The following HABP4 variants were observed in gnomAD, a reference collection of about 807,000 sequenced individuals.
HABP4 encodes hyaluronan binding protein 4.
A neutral mutation model predicts 44.1 loss-of-function variants in HABP4; 32 were observed. The ratio of observed to expected loss-of-function variants is 0.73; its 90% CI spans 0.55 to 0.97. The LOEUF (loss-of-function observed/expected upper bound fraction) is 0.97. Among genes scored for constraint, HABP4 ranks in the 50% least tolerant of loss-of-function variants. The pLI, the probability that HABP4 is intolerant of heterozygous loss-of-function variation, is 0.00. For synonymous variants in HABP4, 216 were observed against 218.0 expected, an observed-to-expected ratio of 0.99 and a Z score of 0.08; for missense variants, 503 against 561.9, an observed-to-expected ratio of 0.90 and a Z score of 1.06.
intron 1 of HABP4, among the ~76,000 whole-genome samples, chr9:96,452,113 G>C (rs1197453495): frequency 6.6e-6 from 1 of 151,726 alleles, no homozygotes; most frequent in Non-Finnish European, 1.5e-5. Flanking sequence ...TGTAGGTCCA[G>C]CTACTCGGGA....
At chr9:96,486,842 G>A (rs1169557166) in intron 6 of HABP4, among the ~76,000 whole-genome samples, 1 of 151,998 alleles carries the variant, frequency 6.6e-6, no homozygotes, top group Non-Finnish European at 1.5e-5. Context: ...TGCAAGTGGA[G>A]CCCAAGCCTT....
intron 1 of HABP4, among the ~76,000 whole-genome samples, chr9:96,457,862 A>C (rs2131118661): frequency 6.6e-6 from 1 of 152,300 alleles, no homozygotes; most frequent in Middle Eastern, 3.4e-3. Context: ...ACAGAGCAAG[A>C]CTCTGTCTCA....
intron 1 of HABP4, among the ~76,000 whole-genome samples, chr9:96,454,506 A>G (rs1220834579): frequency 7.1e-6 from 1 of 141,380 alleles, no homozygotes; most frequent in African/African-American, 2.7e-5. Flanking sequence ...GCTGAAGTGC[A>G]GTGGCACGAT....
intron 4 of HABP4, among the ~76,000 whole-genome samples, chr9:96,467,840 C>G (rs1274093968): frequency 6.6e-6 from 1 of 152,078 alleles, no homozygotes; most frequent in Non-Finnish European, 1.5e-5. Context: ...CACCTTCTTT[C>G]TTCATCATCT....
chr9:96,490,034 C>A lies in HABP4; in HGVS notation c.1238C>A (p.Ser413Tyr). 6.3e-7 allele frequency: 1 copy of A among 1,588,620 alleles called. No individual in the cohort carries two copies. Among genetic ancestry groups the A allele is most frequent in the South Asian group, 1.1e-5 (1 of 90,592 alleles). The change falls in exon 8 of 8, where the codon TCT becomes TAT. Residue 413 changes from serine to tyrosine, a missense_variant. Around this residue, in one of 3 missense-constraint regions of HABP4, gnomAD observed 82 missense variants for 71.6 expected, o/e 1.15. Transcript: ENST00000375249. ...GACCCGGAAGATTTCCCTGCGCTGT[C>A]TTGAAAGAGCCCTGTTTCCCAGCAC... ...PDDPEDFPAL[S>Y]
At chr9:96,459,788 G>C (rs992719133) in intron 2 of HABP4, among the ~76,000 whole-genome samples, 6 of 152,172 alleles carry the variant, frequency 3.9e-5, no homozygotes, top group African/African-American at 1.4e-4. Flanking sequence ...AACTTAGCCT[G>C]GGTGGGCTGA....
In HABP4 at chr9:96,488,090, T is replaced by C. The variant is rs1321724975; in HGVS notation, c.1001T>C (p.Met334Thr). The C allele has an allele frequency of 6.2e-7, 1 of 1,608,486 alleles. No homozygotes were observed. Among genetic ancestry groups the C allele is most frequent in the East Asian group, 2.2e-5 (1 of 44,844 alleles). Residue 334 changes from methionine (M) to threonine (T), a missense_variant and splice_region_variant, in exon 7 of 8, where the codon ATG becomes ACG. Physicochemically the swap from Met to Thr is moderately conservative, Grantham distance 81. Coordinates refer to ENST00000375249, the MANE Select transcript of HABP4 (RefSeq NM_014282.4). The surrounding 1 kb of genome is among the most constrained non-coding windows in gnomAD (Gnocchi z 4.6). ...VIHKSKYRDD[M>T]VKDDYEDDSH... ...TTTGATGCTGTAATTGTGTTTCAGA[T>C]GGTAAAAGATGACTATGAGGACGAT...
At chr9:96,476,303 C>T (rs941763937) in intron 5 of HABP4, among the ~76,000 whole-genome samples, 5 of 152,146 alleles carry the variant, frequency 3.3e-5, no homozygotes, top group African/African-American at 1.2e-4. Context: ...GCATTTTGAA[C>T]AGCATCTGGC....
At chr9:96,475,656 G>A (rs746826891) in intron 5 of HABP4, among the ~76,000 whole-genome samples, 1 of 152,182 alleles carries the variant, frequency 6.6e-6, no homozygotes, top group Non-Finnish European at 1.5e-5. Flanking sequence ...AAAAAGTGCT[G>A]TTCAGAACAC....
chr9:96,451,452 T>G, intron 1 of HABP4: 1 of 984,746 alleles, frequency 1.0e-6, no homozygotes, highest in Middle Eastern at 5.2e-4. Context: ...CACCTGTGTT[T>G]CCTGTTTTCT....
intron 1 of HABP4, among the ~76,000 whole-genome samples, chr9:96,455,882 C>T (rs1832366336): frequency 1.3e-5 from 2 of 151,774 alleles, no homozygotes; most frequent in Non-Finnish European, 2.9e-5. Flanking sequence ...TGGTGAAACC[C>T]CATCTCTACT....
At chr9:96,486,135 C>T (rs1309237308) in intron 6 of HABP4, among the ~76,000 whole-genome samples, 1 of 151,976 alleles carries the variant, frequency 6.6e-6, no homozygotes, top group Non-Finnish European at 1.5e-5. Context: ...GAGGTTGCAG[C>T]AAGCCGAGAT....
intron 1 of HABP4, among the ~76,000 whole-genome samples, chr9:96,452,226 C>CA (rs74398822): frequency 0.022 from 2,426 of 109,184 alleles, 57 homozygotes; most frequent in African/African-American, 0.069. Flanking sequence ...GACTCCGTCA[C>CA]AAAAAAAAAA....
chr9:96,489,892 A>C (rs1443040744), intron 7 of HABP4, 90 bp from the exon 8 acceptor site: 12 of 829,396 alleles, frequency 1.4e-5, no homozygotes, highest in Non-Finnish European at 2.6e-5. Context: ...CAGGCCCCTC[A>C]GCGTTGGTGC....
intron 5 of HABP4, among the ~76,000 whole-genome samples, chr9:96,481,714 C>G (rs559173338): frequency 6.6e-6 from 1 of 151,996 alleles, no homozygotes; most frequent in Non-Finnish European, 1.5e-5. Context: ...CCACTGTACT[C>G]CAGCCTGGCC....
At chr9:96,478,139 T>G (rs1339033860) in intron 5 of HABP4, among the ~76,000 whole-genome samples, 1 of 152,166 alleles carries the variant, frequency 6.6e-6, no homozygotes, top group Non-Finnish European at 1.5e-5. Context: ...TATGAACATT[T>G]TTTTTTTCTT....
intron 5 of HABP4, among the ~76,000 whole-genome samples, chr9:96,475,355 G>A (rs1247395880): frequency 1.4e-5 from 2 of 143,758 alleles, no homozygotes; most frequent in African/African-American, 2.7e-5. Context: ...CAGCCTGGGT[G>A]ACAGAGCGAG....
rs1832248591 is a variant in HABP4 at position 96,450,468 on chromosome 9, G to C, written c.189G>C (p.Ala63=). ...GCAAGAGGCGCGACGAGGCGGCGGCGGCGGCCGGGGCCGGTCCCCGCGGCG... is the reference window on the plus strand; with the variant it reads ...GCAAGAGGCGCGACGAGGCGGCGGCCGCGGCCGGGGCCGGTCCCCGCGGCG... ...LQRKRRDEAA[A]AAGAGPRGGR... The change falls in exon 1 of 8, where the codon GCG becomes GCC. Residue 63 remains alanine (A), a synonymous_variant. Coordinates refer to ENST00000375249, the MANE Select transcript of HABP4 (RefSeq NM_014282.4). The surrounding 1 kb of genome is among the most constrained non-coding windows in gnomAD (Gnocchi z 4.8). 1 of 1,224,022 alleles carries C rather than the reference G, an allele frequency of 8.2e-7. No homozygotes were observed. The highest frequency in any genetic ancestry group is 1.0e-6 in the Non-Finnish European group (1 of 979,480). 75.8% of individuals were successfully genotyped at this position (1,224,022 alleles called of 1,614,324 possible).
Position 96,450,377 on chromosome 9 carries a change from A to G in HABP4, c.98A>G (p.Asp33Gly). The change falls in exon 1 of 8, where the codon GAC (aspartate) becomes GGC (glycine). Residue 33 changes from aspartate (D) to glycine (G), a missense_variant. Asp to Gly is a moderately conservative substitution (Grantham distance 94, BLOSUM62 -1). Transcript: ENST00000375249. This position sits in a 1 kb window ranked among gnomAD's most constrained non-coding sequence, Gnocchi z 4.8. Reference protein sequence around the residue: ...VVANRFHQLLDDESDPFDILR... With the variant: ...VVANRFHQLLGDESDPFDILR... ...GCCAACCGCTTCCATCAGCTGCTGG[A>G]CGACGAGTCGGACCCGTTCGACATC... The G allele has an allele frequency of 1.7e-6, 2 of 1,186,906 alleles. No homozygotes were observed. Among genetic ancestry groups the G allele is most frequent in the South Asian group, 1.4e-5 (1 of 72,836 alleles). The allele number at this position is 1,186,906 out of a possible 1,614,324, so 73.5% of individuals were successfully genotyped here.
Sources: gnomAD v4.1 joint callset for allele counts (sites outside exome capture counted in the v4.1 genomes callset) on GRCh38, gnomAD v4.1.1 for gene constraint, gnomAD v4.1.1 regional missense constraint, Gnocchi (gnomAD v3.1) non-coding constraint, MANE v1.5 for transcripts, NCBI Gene and HGNC (gene_info 2026-07-23, HGNC 2026-07-21) for gene names.